The following UTP25 variants were observed in gnomAD, a reference collection of about 807,000 sequenced individuals.
UTP25 encodes the protein UTP25 small subunit processome component.
In UTP25, 50 loss-of-function variants were observed where a neutral mutation model predicts 78.9. That is an observed-to-expected ratio of 0.63 (90% confidence interval 0.50 to 0.80). UTP25 has a LOEUF of 0.80. UTP25 is among the 30% of genes least tolerant of loss of function. UTP25 has a pLI of 0.00. For missense variants in UTP25, 846 were observed against 911.3 expected, an observed-to-expected ratio of 0.93 and a Z score of 0.92; for synonymous variants, 329 against 336.5, an observed-to-expected ratio of 0.98 and a Z score of 0.24.
intron 4 of UTP25, among the ~76,000 whole-genome samples, 190 bp downstream of exon 4, chr1:209,833,548 TAGG>T: frequency 6.6e-6 from 1 of 152,162 alleles, no homozygotes; most frequent in African/African-American, 2.4e-5. Flanking sequence ...ACGGGACATT[TAGG>T]AGAACAAACA....
chr1:209,837,092 A>G lies in UTP25; in HGVS notation c.943A>G (p.Ile315Val). Reference protein sequence around the residue: ...EIRHVYCLHVINHILKANAQV... With the variant: ...EIRHVYCLHVVNHILKANAQV... ...CCGCCATGTGTATTGCCTGCATGTG[A>G]TAAATCACATCCTCAAAGCCAATGC... Residue 315 changes from isoleucine (I) to valine (V), a missense_variant, in exon 6 of 12, where the codon ATA becomes GTA. Physicochemically the swap from Ile to Val is conservative, Grantham distance 29 (BLOSUM62 3). Transcript: ENST00000491415. 1 of 1,614,168 alleles carries G rather than the reference A, an allele frequency of 6.2e-7. No homozygotes were observed. Among genetic ancestry groups the G allele is most frequent in the Non-Finnish European group, 8.5e-7 (1 of 1,180,004 alleles).
intron 1 of UTP25, among the ~76,000 whole-genome samples, chr1:209,828,569 A>AT (rs1462031024): frequency 1.3e-5 from 2 of 148,160 alleles, no homozygotes; most frequent in Non-Finnish European, 3.0e-5. Context: ...AGCCCGGCTG[A>AT]TTTTTTGTAT....
intron 11 of UTP25, among the ~76,000 whole-genome samples, chr1:209,846,490 C>T (rs1443431310): frequency 1.3e-5 from 2 of 152,150 alleles, no homozygotes; most frequent in African/African-American, 4.8e-5. Context: ...TTTCTGATTA[C>T]TCCCTTCCCC....
In UTP25 at chr1:209,828,120, G is replaced by T. The variant is rs149634752; in HGVS notation, c.57G>T (p.Lys19Asn). ...AGCTACTCAACACCCTAACTAAAAA[G>T]CAGAAGAAACATCTTCGAGATTTCG... ...QSQLLNTLTK[K>N]QKKHLRDFGE... The change falls in exon 1 of 12, where the codon AAG (lysine) becomes AAT (asparagine). Residue 19 changes from lysine to asparagine, a missense_variant. Physicochemically the swap from Lys to Asn is moderately conservative, Grantham distance 94 (BLOSUM62 0). Coordinates refer to ENST00000491415, the MANE Select transcript of UTP25 (RefSeq NM_014388.7). The T allele has an allele frequency of 1.1e-5, 17 of 1,614,010 alleles. No homozygotes were observed. In the South Asian group the frequency reaches 1.8e-4, roughly 17 times the overall value.
rs1309376682 is a variant in UTP25, at chr1:209,856,905, G to A, written c.*5458G>A. Reference sequence around the variant, plus strand: ...ATTTATAGAAACAGTGATCGTTGCAGAAAAATAATTAGCAAGAGAACAGAC... The same window carrying A: ...ATTTATAGAAACAGTGATCGTTGCAAAAAAATAATTAGCAAGAGAACAGAC... On this transcript the variant is annotated 3_prime_UTR_variant, in exon 12 of 12. Coordinates refer to ENST00000491415, the MANE Select transcript of UTP25 (RefSeq NM_014388.7). 6.6e-6 allele frequency: 1 copy of A among 152,214 alleles called. No individual in the cohort carries two copies. The highest frequency in any genetic ancestry group is 2.4e-5 in the African/African-American group (1 of 41,462). The allele number at this position is 152,214 out of a possible 1,614,324, so 9.4% of individuals were successfully genotyped here. A position where few individuals can be genotyped will look rare whatever the true frequency, so the allele number is the denominator to read the frequency against.
In UTP25 at chr1:209,837,055, CG is replaced by C; in HGVS notation, c.910del (p.Glu304LysfsTer11). On this transcript the variant is annotated frameshift_variant, in exon 6 of 12. Transcript: ENST00000491415. LOFTEE classifies it high-confidence loss of function. ...ACCCGGAAAGGACTGCTCTGAAGAA[CG>C]GGGAAGAGATCCGCCATGTGTATTG... ...FYPERTALKN[G>X]EEIRHVYCLH... 1.9e-6 allele frequency: 3 copies of C among 1,614,104 alleles called. No homozygotes were observed. Among genetic ancestry groups the C allele is most frequent in the Non-Finnish European group, 2.5e-6 (3 of 1,180,000 alleles).
At chr1:209,840,107 T>G (rs2078157882) in intron 7 of UTP25, among the ~76,000 whole-genome samples, 1 of 152,178 alleles carries the variant, frequency 6.6e-6, no homozygotes, top group African/African-American at 2.4e-5. Flanking sequence ...ATGTAAGGCA[T>G]AAGGAGACAA....
In UTP25 at chr1:209,843,617, G is replaced by A. The variant is rs1572006348; in HGVS notation, c.1948G>A (p.Val650Ile). The part of the protein sequence containing the change: ...HICEYTQKSG[V>I]SRARHFFLQG... ...CTGCGAGTACACGCAGAAGTCTGGT[G>A]TCTCCAGGGCCAGACACTTCTTCCT... is the stretch of plus-strand genomic sequence containing the variant. Residue 650 changes from valine (V) to isoleucine (I), a missense_variant, in exon 11 of 12, where the codon GTC becomes ATC. Physicochemically the swap from Val to Ile is conservative, Grantham distance 29. Coordinates refer to ENST00000491415, the MANE Select transcript of UTP25 (RefSeq NM_014388.7). 3.1e-6 allele frequency: 5 copies of A among 1,614,144 alleles called. No individual in the cohort carries two copies. The East Asian group carries it at 1.1e-4, about 36-fold the overall frequency.
chr1:209,843,015 C>T (rs1471965288), intron 10 of UTP25: 1 of 351,392 alleles, frequency 2.8e-6, no homozygotes, highest in African/African-American at 2.1e-5. Context: ...TTGTAAGCCC[C>T]TCAGGGAAAG....
intron 1 of UTP25, among the ~76,000 whole-genome samples, chr1:209,829,199 A>G (rs988136183): frequency 3.9e-5 from 6 of 152,256 alleles, no homozygotes; most frequent in Admixed American, 1.3e-4. Context: ...TAGCATATTC[A>G]TCATCTCAAA....
At chr1:209,835,031 T>C (rs766577725) in intron 4 of UTP25, 44 bp from the exon 5 acceptor site, 75 of 1,508,154 alleles carry the variant, frequency 5.0e-5, no homozygotes, top group Non-Finnish European at 6.7e-5. Flanking sequence ...ACAAAACCCC[T>C]CTGTAGTTGC....
In UTP25 at chr1:209,855,398, G is replaced by A. The variant is rs1323029579; in HGVS notation, c.*3951G>A. On this transcript the variant is annotated 3_prime_UTR_variant, in exon 12 of 12. Transcript: ENST00000491415. ...AGGCTCCCCTTACACCTCTGGTCACGTTGCCATTATTCCTATGGTAGATAA... is the reference window on the plus strand; with the variant it reads ...AGGCTCCCCTTACACCTCTGGTCACATTGCCATTATTCCTATGGTAGATAA... The A allele has an allele frequency of 2.6e-5, 4 of 152,150 alleles. No homozygotes were observed. Among genetic ancestry groups the A allele is most frequent in the African/African-American group, 9.7e-5 (4 of 41,418 alleles). 9.4% of individuals were successfully genotyped at this position (152,150 alleles called of 1,614,324 possible).
In UTP25 at chr1:209,855,809, G is replaced by C. The variant is rs1253798120; in HGVS notation, c.*4362G>C. The C allele has an allele frequency of 6.6e-6, 1 of 152,456 alleles. No homozygotes were observed. Among genetic ancestry groups the C allele is most frequent in the East Asian group, 1.9e-4 (1 of 5,180 alleles). The allele number at this position is 152,456 out of a possible 1,614,324, so 9.4% of individuals were successfully genotyped here. A position where few individuals can be genotyped will look rare whatever the true frequency, so the allele number is the denominator to read the frequency against. On this transcript the variant is annotated 3_prime_UTR_variant, in exon 12 of 12. Coordinates refer to ENST00000491415, the MANE Select transcript of UTP25 (RefSeq NM_014388.7). ...CTGCCGCTTGGCTGATTTAGGAGTT[G>C]TGCTGAATTCCTGCCCATCTGTTCT...
At chr1:209,845,692 A>G (rs573613104) in intron 11 of UTP25, among the ~76,000 whole-genome samples, 2 of 152,278 alleles carry the variant, frequency 1.3e-5, no homozygotes, top group Admixed American at 6.5e-5. Flanking sequence ...AATGAAAATA[A>G]TGTGCTTTAG....
At position 209,828,025 on chromosome 1, in the gene UTP25, C is replaced by T. The variant is rs2078077819; in HGVS notation, c.-39C>T. On this transcript the variant is annotated 5_prime_UTR_variant, in exon 1 of 12. Transcript: ENST00000491415. The stretch of plus-strand genomic sequence containing the variant: ...GACTGGACAACTTCCTGGTGGAAAA[C>T]CGCGACTCTTGCAAGTGGGCAAACT... 1 of 1,545,820 alleles carries T rather than the reference C, an allele frequency of 6.5e-7. No homozygotes were observed. The highest frequency in any genetic ancestry group is 1.4e-5 in the African/African-American group (1 of 73,394).
At position 209,828,001 on chromosome 1, in the gene UTP25, A is replaced by T; in HGVS notation, c.-63A>T. ...TCAGCGAGCCCACGTGCTTGTGTTG[A>T]CTGGACAACTTCCTGGTGGAAAACC... On this transcript the variant is annotated 5_prime_UTR_variant, in exon 1 of 12. Transcript: ENST00000491415. 7.5e-7 allele frequency: 1 copy of T among 1,328,150 alleles called. No individual in the cohort carries two copies. The highest frequency in any genetic ancestry group is 1.1e-6 in the Non-Finnish European group (1 of 919,840). The allele number at this position is 1,328,150 out of a possible 1,614,324, so 82.3% of individuals were successfully genotyped here. A position where few individuals can be genotyped will look rare whatever the true frequency, so the allele number is the denominator to read the frequency against.
intron 8 of UTP25, 41 bp from the exon 9 acceptor site, chr1:209,842,222 TGC>T (rs200325082): frequency 8.0e-7 from 1 of 1,254,948 alleles, no homozygotes. Context: ...AACATGTAAA[TGC>T]TCTCAGTCAA....
chr1:209,834,534 A>G (rs994096148), intron 4 of UTP25, among the ~76,000 whole-genome samples: 4 of 152,124 alleles, frequency 2.6e-5, no homozygotes, highest in African/African-American at 4.8e-5. Context: ...AGACATGTAT[A>G]TATGTATATG....
chr1:209,849,212 G>A (rs2078215789), intron 11 of UTP25, among the ~76,000 whole-genome samples: 1 of 152,096 alleles, frequency 6.6e-6, no homozygotes, highest in South Asian at 2.1e-4. Flanking sequence ...TTTTCTCAGG[G>A]TTCCTGCCCC....
Sources: allele counts gnomAD v4.1 joint callset (sites outside exome capture counted in the v4.1 genomes callset), GRCh38; gene constraint gnomAD v4.1.1; transcripts MANE v1.5; gene names NCBI Gene and HGNC (gene_info 2026-07-23, HGNC 2026-07-21).